The following CEP152 variants were observed in gnomAD, a reference collection of about 807,000 sequenced individuals.
The protein encoded by CEP152 is centrosomal protein of 152 kDa.
CEP152 carries 132 observed loss-of-function variants against 188.9 expected under a neutral mutation model. That is an observed-to-expected ratio of 0.70 (90% CI 0.61 to 0.81). The LOEUF is 0.81. CEP152 is among the 30% of genes least tolerant of loss of function. The pLI, the probability that CEP152 is intolerant of heterozygous loss-of-function variation, is 0.00. For missense variants in CEP152, 1,914 were observed against 1,969.8 expected (o/e 0.97, Z 0.54); for synonymous variants, 649 against 666.6 (o/e 0.97, Z 0.41).
chr15:48,796,036 T>G lies in CEP152; in HGVS notation c.665A>C (p.Gln222Pro), dbSNP rs1897267682. The G allele has an allele frequency of 6.2e-7, 1 of 1,613,948 alleles. No homozygotes were observed. The change falls in exon 6 of 27, where the codon CAA (glutamine) becomes CCA (proline). Residue 222 changes from glutamine (Q) to proline (P), a missense_variant. Coordinates refer to ENST00000380950, the MANE Select transcript of CEP152 (RefSeq NM_001194998.2). ...ITGSDTFEGL[Q>P]QQFLGANENS... ...CTCATTAGCTCCTAAAAATTGTTGT[T>G]GCAGGCCTTCGAATGTGTCACTTCC...
At chr15:48,733,789 GA>G (rs948980428), downstream of CEP152, among the ~76,000 whole-genome samples, 19 of 152,006 alleles carry the variant, frequency 1.2e-4, no homozygotes, top group African/African-American at 4.3e-4. Flanking sequence ...CATATATAAA[GA>G]ACAACAGGAT....
chr15:48,742,007 T>A lies in CEP152; in HGVS notation c.3929A>T (p.Lys1310Met). The change falls in exon 25 of 27, where the codon AAG (lysine) becomes ATG (methionine). Residue 1310 changes from lysine to methionine, a missense_variant. Transcript: ENST00000380950. Reference sequence around the variant, plus strand: ...GCAAATCAAATAATATTTGCGCATCTTTCGGGCGGTTTCTTGACGTTCTCG... The same window carrying A: ...GCAAATCAAATAATATTTGCGCATCATTCGGGCGGTTTCTTGACGTTCTCG... ...VLRERQETAR[K>M]MRKYYLICLQ... The A allele has an allele frequency of 1.2e-6, 2 of 1,614,196 alleles. No individual in the cohort carries two copies. The highest frequency in any genetic ancestry group is 1.7e-6 in the Non-Finnish European group (2 of 1,180,022).
rs527378665 is a variant in CEP152 at position 48,805,867 on chromosome 15, AG to A, written c.-7-212del. Reference sequence around the variant, plus strand: ...TTCATGGAAAAGAAAACATGCAAATAGGTAATAAAGCTATGAATAGACCTTT... The same window carrying A: ...TTCATGGAAAAGAAAACATGCAAATAGTAATAAAGCTATGAATAGACCTTT... On this transcript the variant is annotated intron_variant, in intron 1 of 26. Coordinates refer to ENST00000380950, the MANE Select transcript of CEP152 (RefSeq NM_001194998.2). Among the ~76,000 whole-genome samples the A allele has an allele frequency of 8.3e-4, 127 of 152,368 alleles. 2 individuals carry two copies. The Middle Eastern group carries it at 0.02, about 24-fold the overall frequency.
intron 8 of CEP152, among the ~76,000 whole-genome samples, 159 bp downstream of exon 8, chr15:48,791,078 A>T (rs1896958666): frequency 6.6e-6 from 1 of 152,242 alleles, no homozygotes; most frequent in Admixed American, 6.5e-5. Flanking sequence ...GCTTCTCGGG[A>T]TACCAATTCT....
intron 15 of CEP152, 46 bp downstream of exon 15, chr15:48,768,173 G>A (rs1895262270): frequency 5.5e-6 from 6 of 1,092,610 alleles, no homozygotes; most frequent in Admixed American, 1.7e-5. Context: ...ACTTAGAGGG[G>A]AAGGGTACCC....
chr15:48,768,821 G>A, intron 14 of CEP152, 135 bp downstream of exon 14: 1 of 649,102 alleles, frequency 1.5e-6, no homozygotes, highest in Admixed American at 2.9e-5. Flanking sequence ...GAAGTAACTG[G>A]AACTCATAAT....
rs116686414 is a variant in CEP152 at position 48,768,489 on chromosome 15, G to A, written c.1909-161C>T. Among the ~76,000 whole-genome samples, 538 of 152,082 alleles carry A rather than the reference G, an allele frequency of 3.5e-3. 3 individuals are homozygous for A. The highest frequency in any genetic ancestry group is 0.013 in the African/African-American group (522 of 41,498). On this transcript the variant is annotated intron_variant, in intron 14 of 26. Transcript: ENST00000380950. ...TCTGCAAAAGAAAAAGTCTCTTCAC[G>A]CTTTGATAAGAACATAGATTCATTT...
At chr15:48,743,697 T>C (rs1330917327) in intron 24 of CEP152, among the ~76,000 whole-genome samples, 1 of 152,122 alleles carries the variant, frequency 6.6e-6, no homozygotes, top group Non-Finnish European at 1.5e-5. Context: ...ACCCTGTCTC[T>C]ACTAAAAATA....
At chr15:48,744,527 G>C (rs1466552051) in intron 23 of CEP152, among the ~76,000 whole-genome samples, 184 bp from the exon 24 acceptor site, 1 of 152,066 alleles carries the variant, frequency 6.6e-6, no homozygotes, top group East Asian at 1.9e-4. Context: ...TAAATGTTAT[G>C]GTTGCTTCAA....
intron 7 of CEP152, 108 bp downstream of exon 7, chr15:48,793,213 C>T: frequency 7.5e-7 from 1 of 1,335,836 alleles, no homozygotes; most frequent in Non-Finnish European, 1.1e-6. Flanking sequence ...ACTATGAGCC[C>T]TCTGACCAAG....
intron 9 of CEP152, among the ~76,000 whole-genome samples, chr15:48,785,688 T>C (rs1440539260): frequency 1.3e-5 from 2 of 152,128 alleles, no homozygotes; most frequent in Non-Finnish European, 1.5e-5. Context: ...GTGTATCCTA[T>C]TGACAAGTTC....
chr15:48,768,258 A>G lies in CEP152; in HGVS notation c.1979T>C (p.Val660Ala), dbSNP rs1895273582. The change falls in exon 15 of 27, where the codon GTA (valine) becomes GCA (alanine). Residue 660 changes from valine (V) to alanine (A), a missense_variant. Coordinates refer to ENST00000380950, the MANE Select transcript of CEP152 (RefSeq NM_001194998.2). ...TTGTTTGTCATGGTCAAAATCTTGT[A>G]CCATTTGTCTCATTTGATTACATAA... is the stretch of plus-strand genomic sequence containing the variant. ...QDLCNQMRQMVQDFDHDKQEA... is the reference protein window; with the variant it reads ...QDLCNQMRQMAQDFDHDKQEA... 6.2e-7 allele frequency: 1 copy of G among 1,612,646 alleles called. No homozygotes were observed. Among genetic ancestry groups the G allele is most frequent in the Non-Finnish European group, 8.5e-7 (1 of 1,178,672 alleles).
At chr15:48,763,052 G>A (rs1343255318) in intron 17 of CEP152, among the ~76,000 whole-genome samples, 1 of 151,392 alleles carries the variant, frequency 6.6e-6, no homozygotes, top group Non-Finnish European at 1.5e-5. Flanking sequence ...ACAAAGGACC[G>A]AGTAAATCTA....
At chr15:48,792,277 A>C (rs1897039417) in intron 7 of CEP152, among the ~76,000 whole-genome samples, 2 of 152,350 alleles carry the variant, frequency 1.3e-5, no homozygotes, top group South Asian at 4.1e-4. Context: ...GGAGTGAGCC[A>C]CCGTGCCCGA....
At chr15:48,731,219 T>C (rs1192485884) in intron 2 of CEP152, among the ~76,000 whole-genome samples, 3 of 152,228 alleles carry the variant, frequency 2.0e-5, no homozygotes, top group Admixed American at 6.5e-5. Flanking sequence ...AAACACTGTA[T>C]GTATAGTTAA....
intron 5 of CEP152, 83 bp from the exon 6 acceptor site, chr15:48,796,243 C>G: frequency 6.9e-7 from 1 of 1,454,916 alleles, no homozygotes; most frequent in Non-Finnish European, 9.5e-7. Context: ...ATTAATGTTA[C>G]GTTACAGAAC....
chr15:48,798,850 T>C (rs907519621), intron 2 of CEP152, among the ~76,000 whole-genome samples: 1 of 152,216 alleles, frequency 6.6e-6, no homozygotes, highest in African/African-American at 2.4e-5. Context: ...GCTAGTCTGT[T>C]AGACATAATT....
intron 8 of CEP152, 72 bp from the exon 9 acceptor site, chr15:48,789,073 CT>C: frequency 1.6e-6 from 2 of 1,274,376 alleles, no homozygotes; most frequent in Non-Finnish European, 1.1e-6. Context: ...TGTCTATAAA[CT>C]TTTACTTTTA....
At chr15:48,743,708 C>T (rs986770940) in intron 24 of CEP152, among the ~76,000 whole-genome samples, 3 of 152,058 alleles carry the variant, frequency 2.0e-5, no homozygotes, top group Admixed American at 1.3e-4. Flanking sequence ...ACTAAAAATA[C>T]AAAAATTAGC....
Sources: gnomAD v4.1 joint callset for allele counts (sites outside exome capture counted in the v4.1 genomes callset) on GRCh38, gnomAD v4.1.1 for gene constraint, MANE v1.5 for transcripts, NCBI Gene and HGNC (gene_info 2026-07-23, HGNC 2026-07-21) for gene names.